The following LRRC4C variants were observed in gnomAD, a reference collection of about 807,000 sequenced individuals.
The protein encoded by LRRC4C is leucine rich repeat containing 4C.
Under a neutral mutation model 33.6 loss-of-function variants are expected in LRRC4C, and 5 were observed. The observed-to-expected ratio is 0.15, with a 90% CI of 0.08 to 0.31. The LOEUF is 0.31. LRRC4C is among the 10% of genes least tolerant of loss of function. The pLI is 1.00. For synonymous variants in LRRC4C, 329 were observed against 302.0 expected, an observed-to-expected ratio of 1.09 and a Z score of -0.93; for missense variants, 560 against 796.7, an observed-to-expected ratio of 0.70 and a Z score of 3.58.
At chr11:40,165,933 G>A (rs1048096796) in intron 5 of LRRC4C, among the ~76,000 whole-genome samples, 41 of 152,090 alleles carry the variant, frequency 2.7e-4, no homozygotes, top group African/African-American at 9.7e-4. Flanking sequence ...CAAGGAGAGC[G>A]AAACTCTGTC....
At chr11:41,047,779 A>C (rs1857881435) in intron 1 of LRRC4C, among the ~76,000 whole-genome samples, 1 of 152,116 alleles carries the variant, frequency 6.6e-6, no homozygotes, top group South Asian at 2.1e-4. Flanking sequence ...TTCTCCTTGA[A>C]GTCTTTTATG....
At chr11:41,110,056 C>G (rs569563293) in intron 1 of LRRC4C, among the ~76,000 whole-genome samples, 1 of 151,994 alleles carries the variant, frequency 6.6e-6, no homozygotes, top group East Asian at 1.9e-4. Context: ...GGTTTTTCCT[C>G]AACCCACTAT....
chr11:41,303,943 C>T (rs376768415), intron 1 of LRRC4C, among the ~76,000 whole-genome samples: 1 of 90,558 alleles, frequency 1.1e-5, no homozygotes, highest in African/African-American at 3.3e-5. Context: ...GCCACCCCAT[C>T]TGGGAAGTGA....
At chr11:40,389,268 C>T (rs1019301688) in intron 3 of LRRC4C, among the ~76,000 whole-genome samples, 1 of 151,964 alleles carries the variant, frequency 6.6e-6, no homozygotes, top group African/African-American at 2.4e-5. Flanking sequence ...TATCTTAGGG[C>T]AAAATGGAAA....
At chr11:40,746,115 G>A (rs902556152) in intron 2 of LRRC4C, among the ~76,000 whole-genome samples, 4 of 152,174 alleles carry the variant, frequency 2.6e-5, no homozygotes, top group African/African-American at 9.7e-5. Context: ...GCTGGGAGCT[G>A]AAAGAGGGTC....
chr11:40,376,920 C>T (rs1948682694), intron 3 of LRRC4C, among the ~76,000 whole-genome samples: 1 of 152,118 alleles, frequency 6.6e-6, no homozygotes, highest in African/African-American at 2.4e-5. Context: ...AAGGTCAGGG[C>T]TTCCAACTCA....
At chr11:40,741,482 T>C (rs1331569628) in intron 2 of LRRC4C, among the ~76,000 whole-genome samples, 3 of 152,020 alleles carry the variant, frequency 2.0e-5, no homozygotes, top group Admixed American at 6.6e-5. Flanking sequence ...TTAGCATAAA[T>C]CCAAATTGGA....
At chr11:41,321,272 T>TG (rs1418144718) in intron 1 of LRRC4C, among the ~76,000 whole-genome samples, 22 of 152,082 alleles carry the variant, frequency 1.4e-4, no homozygotes, top group Non-Finnish European at 8.8e-5. Flanking sequence ...GAGAAATTTT[T>TG]GGGGGGTCAT....
In LRRC4C at chr11:41,345,220, G is replaced by A. The variant is rs189731140; in HGVS notation, c.-496+114211C>T. ...TGGAGAGCCAAGTAGGAAATTTGAC[G>A]GTCCTATTAATTACTATATCCCTAC... On this transcript the variant is annotated intron_variant, in intron 1 of 6. Coordinates refer to ENST00000528697, the MANE Select transcript of LRRC4C (RefSeq NM_001258419.2). 1.1e-4 allele frequency among the ~76,000 whole-genome samples: 17 copies of A among 151,976 alleles called. No homozygotes were observed. The East Asian group carries it at 1.5e-3, about 14-fold the overall frequency.
At chr11:40,902,815 G>A (rs935821978) in intron 2 of LRRC4C, among the ~76,000 whole-genome samples, 1 of 152,102 alleles carries the variant, frequency 6.6e-6, no homozygotes, top group African/African-American at 2.4e-5. Flanking sequence ...GAGAGGTGAG[G>A]AACCTGCAGA....
At chr11:41,129,479 T>C (rs983375490) in intron 1 of LRRC4C, among the ~76,000 whole-genome samples, 11 of 152,114 alleles carry the variant, frequency 7.2e-5, no homozygotes, top group African/African-American at 2.6e-4. Context: ...GTTCACACAA[T>C]ACTAAAGAAG....
Position 40,170,502 on chromosome 11 carries a change from AAG to A in LRRC4C, c.-95-29651_-95-29650del, listed in dbSNP as rs540603649. ...CACAGTGACGCTACATTAAGAGAGA[AAG>A]AGAGAAAAAAAAAATCTAGAAATAA... On this transcript the variant is annotated intron_variant, in intron 5 of 6. Transcript: ENST00000528697. 4.5e-3 allele frequency among the ~76,000 whole-genome samples: 688 copies of A among 151,938 alleles called. 2 individuals carry two copies. Among genetic ancestry groups the A allele is most frequent in the South Asian group, 0.011 (52 of 4,818 alleles).
At chr11:40,453,211 A>G (rs1417189587) in intron 3 of LRRC4C, among the ~76,000 whole-genome samples, 2 of 152,188 alleles carry the variant, frequency 1.3e-5, no homozygotes, top group Non-Finnish European at 2.9e-5. Flanking sequence ...TCTCAATTCT[A>G]AACTTGCCAT....
Position 40,155,832 on chromosome 11 carries a change from C to A in LRRC4C, c.-95-14979G>T, listed in dbSNP as rs535431691. The stretch of plus-strand genomic sequence containing the variant: ...ATTATTCCACAAGATAAAGAAAGAA[C>A]CTTCCCTAACTCATTCTATGAAGCC... On this transcript the variant is annotated intron_variant, in intron 5 of 6. Coordinates refer to ENST00000528697, the MANE Select transcript of LRRC4C (RefSeq NM_001258419.2). 2.6e-5 allele frequency among the ~76,000 whole-genome samples: 4 copies of A among 151,866 alleles called. No homozygotes were observed. The South Asian group carries it at 8.3e-4, about 31-fold the overall frequency.
intron 1 of LRRC4C, among the ~76,000 whole-genome samples, chr11:41,353,792 A>G (rs972079808): frequency 1.3e-5 from 2 of 152,124 alleles, no homozygotes; most frequent in Non-Finnish European, 2.9e-5. Flanking sequence ...CTCAACAGAC[A>G]CATAACTCTT....
chr11:41,175,853 A>T (rs1394435036), intron 1 of LRRC4C, among the ~76,000 whole-genome samples: 1 of 152,084 alleles, frequency 6.6e-6, no homozygotes, highest in Admixed American at 6.6e-5. Context: ...AATACAGAAC[A>T]TTCATCATCC....
At chr11:40,376,753 A>G (rs142045451) in intron 3 of LRRC4C, among the ~76,000 whole-genome samples, 26 of 151,128 alleles carry the variant, frequency 1.7e-4, no homozygotes, top group Admixed American at 2.6e-4. Flanking sequence ...GTGTATGTGT[A>G]TGTGTATCTG....
chr11:40,696,780 GTA>G (rs1486280334), intron 2 of LRRC4C, among the ~76,000 whole-genome samples: 1 of 114,244 alleles, frequency 8.8e-6, no homozygotes, highest in Non-Finnish European at 1.9e-5. Context: ...ATATATCTGA[GTA>G]TATATATATA....
At chr11:40,330,101 G>A (rs780044303) in intron 3 of LRRC4C, among the ~76,000 whole-genome samples, 3 of 152,022 alleles carry the variant, frequency 2.0e-5, no homozygotes, top group Non-Finnish European at 4.4e-5. Context: ...CATACCAGTC[G>A]GGTGTTAAAT....
Sources: gnomAD v4.1 joint callset for allele counts (sites outside exome capture counted in the v4.1 genomes callset) on GRCh38, gnomAD v4.1.1 for gene constraint, MANE v1.5 for transcripts, NCBI Gene and HGNC (gene_info 2026-07-23, HGNC 2026-07-21) for gene names.